The following TMEM132D variants were observed in gnomAD, a reference collection of about 807,000 sequenced individuals.
The protein encoded by TMEM132D is mature OL transmembrane protein.
In TMEM132D, 21 loss-of-function variants were observed where a neutral mutation model predicts 62.3. The observed-to-expected ratio is 0.34, with a 90% confidence interval of 0.24 to 0.49. TMEM132D has a LOEUF of 0.49. TMEM132D is among the 20% of genes least tolerant of loss of function. The pLI is 0.99. For missense variants in TMEM132D, 1,346 were observed against 1,402.8 expected (o/e 0.96, Z 0.65); for synonymous variants, 621 against 575.6 (o/e 1.08, Z -1.13).
intron 4 of TMEM132D, among the ~76,000 whole-genome samples, chr12:129,225,630 G>A (rs1189173423): frequency 2.6e-5 from 4 of 152,214 alleles, no homozygotes; most frequent in African/African-American, 7.2e-5. Context: ...ATGAGTTAAC[G>A]CAGGCAAAGT....
intron 1 of TMEM132D, among the ~76,000 whole-genome samples, chr12:129,755,631 A>G (rs373234819): frequency 2.0e-5 from 3 of 152,302 alleles, no homozygotes; most frequent in South Asian, 2.1e-4. Context: ...GTCTATTATT[A>G]GGTGAAGAAA....
rs562974261 is a variant in TMEM132D, at chr12:129,215,759, G to A, written c.1300-6096C>T. ...CTGGGTAATTTATACAGAAAAAGAGGTTTAATGGACTCAGTTCCAGGTGGC... is the reference window on the plus strand; with the variant it reads ...CTGGGTAATTTATACAGAAAAAGAGATTTAATGGACTCAGTTCCAGGTGGC... On this transcript the variant is annotated intron_variant, in intron 4 of 8. Transcript: ENST00000422113. Among the ~76,000 whole-genome samples, 20 of 152,284 alleles carry A rather than the reference G, an allele frequency of 1.3e-4. No homozygotes were observed. In the South Asian group the frequency reaches 3.3e-3, roughly 25 times the overall value.
At chr12:129,126,678 T>C (rs1876223794) in intron 5 of TMEM132D, among the ~76,000 whole-genome samples, 1 of 152,172 alleles carries the variant, frequency 6.6e-6, no homozygotes, top group African/African-American at 2.4e-5. Context: ...CGTATGGAAT[T>C]AGCATTCCTT....
intron 2 of TMEM132D, among the ~76,000 whole-genome samples, chr12:129,541,200 G>T (rs1362487649): frequency 1.7e-4 from 26 of 152,212 alleles, no homozygotes; most frequent in Non-Finnish European, 1.5e-5. Flanking sequence ...AAACCATAAA[G>T]CCAGCAAGGA....
At chr12:129,588,549 G>T (rs550534825) in intron 2 of TMEM132D, among the ~76,000 whole-genome samples, 20 of 151,912 alleles carry the variant, frequency 1.3e-4, no homozygotes, top group East Asian at 3.9e-4. Context: ...GAATTGTGGG[G>T]TTTTTTCCTT....
At chr12:129,658,363 G>T (rs1213485141) in intron 2 of TMEM132D, among the ~76,000 whole-genome samples, 2 of 152,160 alleles carry the variant, frequency 1.3e-5, no homozygotes, top group South Asian at 2.1e-4. Context: ...TAGCCTAAGA[G>T]GGGGTGTATT....
At chr12:129,887,172 G>C (rs1009967915) in intron 1 of TMEM132D, among the ~76,000 whole-genome samples, 1 of 152,100 alleles carries the variant, frequency 6.6e-6, no homozygotes, top group African/African-American at 2.4e-5. Flanking sequence ...AGTAACCAGG[G>C]GGAAAACATA....
intron 4 of TMEM132D, among the ~76,000 whole-genome samples, chr12:129,274,608 C>G (rs373210092): frequency 1.3e-5 from 2 of 152,112 alleles, no homozygotes; most frequent in Non-Finnish European, 2.9e-5. Context: ...ATTATTTGGC[C>G]GGGTGCAGTG....
At chr12:129,467,040 G>A (rs1316959195) in intron 3 of TMEM132D, among the ~76,000 whole-genome samples, 5 of 152,042 alleles carry the variant, frequency 3.3e-5, no homozygotes, top group Admixed American at 6.6e-5. Flanking sequence ...TCTGACACAC[G>A]GTAGGTGCCT....
chr12:129,072,914 C>T lies in TMEM132D; in HGVS notation c.*961G>A, dbSNP rs1874119866. 6.6e-6 allele frequency: 1 copy of T among 152,172 alleles called. No individual in the cohort carries two copies. Among genetic ancestry groups the T allele is most frequent in the African/African-American group, 2.4e-5 (1 of 41,446 alleles). The allele number at this position is 152,172 out of a possible 1,614,324, so 9.4% of individuals were successfully genotyped here. ...AAAGACGGACGGCGTGGGACATATG[C>T]CCAGGTTGCGGGGGGAGCTTCTCTA... is the stretch of plus-strand genomic sequence containing the variant. On this transcript the variant is annotated 3_prime_UTR_variant, in exon 9 of 9. Transcript: ENST00000422113.
chr12:129,723,842 G>A (rs1340709735), intron 1 of TMEM132D, among the ~76,000 whole-genome samples: 1 of 152,232 alleles, frequency 6.6e-6, no homozygotes, highest in African/African-American at 2.4e-5. Flanking sequence ...GGTGGACAGA[G>A]ACACAAAATA....
chr12:129,645,465 C>T (rs1289924516), intron 2 of TMEM132D, among the ~76,000 whole-genome samples: 1 of 152,090 alleles, frequency 6.6e-6, no homozygotes, highest in Non-Finnish European at 1.5e-5. Context: ...ACTTTGTATG[C>T]CTTTTCTCTT....
In TMEM132D at chr12:129,779,605, G is replaced by GT. The variant is rs1219574457; in HGVS notation, c.80-78908dup. ...GCCCAGGTTTTTGTTATTGTTTTGG[G>GT]TTTTTTTGTTTGTTTCTTTTGTTTC... On this transcript the variant is annotated intron_variant, in intron 1 of 8. Coordinates refer to ENST00000422113, the MANE Select transcript of TMEM132D (RefSeq NM_133448.3). This position sits in a 1 kb window ranked among gnomAD's most constrained non-coding sequence, Gnocchi z 4.1. Among the ~76,000 whole-genome samples the GT allele has an allele frequency of 2.6e-5, 4 of 152,226 alleles. No homozygotes were observed. The highest frequency in any genetic ancestry group is 2.1e-4 in the South Asian group (1 of 4,810).
intron 1 of TMEM132D, among the ~76,000 whole-genome samples, chr12:129,850,762 A>G (rs1452512814): frequency 6.6e-6 from 1 of 152,226 alleles, no homozygotes; most frequent in Non-Finnish European, 1.5e-5. Context: ...CTGAGGCTAC[A>G]TGTTTAGCAC....
chr12:129,402,470 A>T (rs1871651737), intron 3 of TMEM132D, among the ~76,000 whole-genome samples: 1 of 152,172 alleles, frequency 6.6e-6, no homozygotes, highest in Non-Finnish European at 1.5e-5. Context: ...TGCACTGTAC[A>T]CGGGTCTGTG....
chr12:129,444,981 T>C (rs34555088), intron 3 of TMEM132D, among the ~76,000 whole-genome samples: 9,362 of 152,268 alleles, frequency 0.061, 416 homozygotes, highest in African/African-American at 0.13. Context: ...CATTACTAGG[T>C]ATATACACAG....
intron 5 of TMEM132D, among the ~76,000 whole-genome samples, chr12:129,178,712 T>C (rs1025948086): frequency 1.3e-5 from 2 of 152,168 alleles, no homozygotes; most frequent in Non-Finnish European, 2.9e-5. Flanking sequence ...TTACCAATTG[T>C]AGTAATATGA....
intron 4 of TMEM132D, among the ~76,000 whole-genome samples, chr12:129,246,549 A>G (rs2135587733): frequency 6.6e-6 from 1 of 152,282 alleles, no homozygotes; most frequent in African/African-American, 2.4e-5. Flanking sequence ...TGAGGTTAGG[A>G]GTTTGAGACC....
intron 1 of TMEM132D, among the ~76,000 whole-genome samples, chr12:129,726,946 A>C (rs1869055583): frequency 6.6e-6 from 1 of 152,174 alleles, no homozygotes; most frequent in Admixed American, 6.5e-5. Context: ...TGTGCTGGAC[A>C]GTTATAAAGA....
Sources: allele counts gnomAD v4.1 joint callset (sites outside exome capture counted in the v4.1 genomes callset), GRCh38; gene constraint gnomAD v4.1.1; non-coding constraint Gnocchi (gnomAD v3.1); transcripts MANE v1.5; gene names NCBI Gene and HGNC (gene_info 2026-07-23, HGNC 2026-07-21).